The following CLSTN1 variants were observed in gnomAD, a reference collection of about 807,000 sequenced individuals.
CLSTN1 encodes calsyntenin 1, also known as calsyntenin-1.
A neutral mutation model predicts 108.3 loss-of-function variants in CLSTN1; 28 were observed. That is an observed-to-expected ratio of 0.26 (90% CI 0.19 to 0.35). The LOEUF is 0.35. Ranked by LOEUF, CLSTN1 falls within the 10% of genes least tolerant of loss-of-function variation. CLSTN1 has a pLI of 1.00. For missense variants in CLSTN1, 1,157 were observed against 1,302.6 expected, an observed-to-expected ratio of 0.89 and a Z score of 1.72; for synonymous variants, 524 against 534.9, an observed-to-expected ratio of 0.98 and a Z score of 0.28.
At chr1:9,811,461 ACAGACAGCT>A (rs1289840477) in intron 1 of CLSTN1, among the ~76,000 whole-genome samples, 1 of 152,174 alleles carries the variant, frequency 6.6e-6, no homozygotes, top group Non-Finnish European at 1.5e-5. Context: ...ATGGATATTT[ACAGACAGCT>A]CAGAAGCAAG....
intron 1 of CLSTN1, among the ~76,000 whole-genome samples, chr1:9,786,648 CAAAAAAAA>C (rs36003203): frequency 1.6e-4 from 6 of 37,094 alleles, no homozygotes; most frequent in South Asian, 1.4e-3. Context: ...GACTCCGTCT[CAAAAAAAA>C]AAAAAAAAAA....
chr1:9,784,172 CAAAA>C (rs34315931), intron 1 of CLSTN1, among the ~76,000 whole-genome samples: 21 of 83,704 alleles, frequency 2.5e-4, no homozygotes, highest in African/African-American at 6.9e-4. Context: ...AACTCTATCT[CAAAA>C]AAAAAAAAAA....
chr1:9,750,007 G>T, intron 5 of CLSTN1, 94 bp from the exon 6 acceptor site: 1 of 1,026,676 alleles, frequency 9.7e-7, no homozygotes, highest in Non-Finnish European at 1.5e-6. Flanking sequence ...TAGGCTTTAA[G>T]CCCTGTAAAT....
intron 5 of CLSTN1, 73 bp from the exon 6 acceptor site, chr1:9,749,986 GA>G: frequency 7.9e-7 from 1 of 1,268,652 alleles, no homozygotes; most frequent in Admixed American, 1.9e-5. Context: ...TAGGCGGAAA[GA>G]CAAAATGCAT....
Position 9,743,991 on chromosome 1 carries a change from G to A in CLSTN1, c.1249C>T (p.His417Tyr). The A allele has an allele frequency of 6.2e-7, 1 of 1,614,098 alleles. No individual in the cohort carries two copies. Among genetic ancestry groups the A allele is most frequent in the East Asian group, 2.2e-5 (1 of 44,884 alleles). ...SSDKTDMNRHHYSLYVHGCRL... is the reference protein window; with the variant it reads ...SSDKTDMNRHYYSLYVHGCRL... ...CACCCGTGGACATAGAGGGAGTAGT[G>A]GTGCCGATTCATATCTGCAAAGGCA... Residue 417 changes from histidine (H) to tyrosine (Y), a missense_variant, in exon 9 of 19, where the codon CAC becomes TAC. Physicochemically the swap from His to Tyr is moderately conservative, Grantham distance 83. Transcript: ENST00000377298.
At chr1:9,786,330 C>T (rs138680112) in intron 1 of CLSTN1, among the ~76,000 whole-genome samples, 1 of 152,176 alleles carries the variant, frequency 6.6e-6, no homozygotes, top group African/African-American at 2.4e-5. Context: ...CATACTGTTA[C>T]ACACAATGCA....
intron 1 of CLSTN1, among the ~76,000 whole-genome samples, chr1:9,809,833 A>T (rs1654655581): frequency 6.7e-6 from 1 of 149,934 alleles, no homozygotes; most frequent in Non-Finnish European, 1.5e-5. Flanking sequence ...CCTGGGGGAC[A>T]GAGGTTGCAG....
At chr1:9,798,024 G>A (rs1354439086) in intron 1 of CLSTN1, among the ~76,000 whole-genome samples, 1 of 151,090 alleles carries the variant, frequency 6.6e-6, no homozygotes, top group Non-Finnish European at 1.5e-5. Flanking sequence ...AACCTGGGAG[G>A]TGGAGGTTGC....
intron 1 of CLSTN1, among the ~76,000 whole-genome samples, chr1:9,822,543 T>TA (rs977148394): frequency 4.6e-5 from 7 of 151,600 alleles, no homozygotes; most frequent in Admixed American, 1.3e-4. Context: ...TTCTTTTGAT[T>TA]AAAAAAAAAT....
At chr1:9,818,660 C>G (rs1655075746) in intron 1 of CLSTN1, among the ~76,000 whole-genome samples, 1 of 151,262 alleles carries the variant, frequency 6.6e-6, no homozygotes, top group Non-Finnish European at 1.5e-5. Context: ...CATGACATTG[C>G]ATAAATAATT....
Position 9,731,381 on chromosome 1 carries a change from C to G in CLSTN1, c.2573G>C (p.Ser858Thr). Reference sequence around the variant, plus strand: ...CACCACGATCACAACTGTCGCAGTGCTGGGGACGACTGTGGGAGAATGAGG... The same window carrying G: ...CACCACGATCACAACTGTCGCAGTGGTGGGGACGACTGTGGGAGAATGAGG... Reference protein sequence around the residue: ...ANPHPFAVVPSTATVVIVVCV... With the variant: ...ANPHPFAVVPTTATVVIVVCV... The change falls in exon 18 of 19, where the codon AGC becomes ACC. Residue 858 changes from serine to threonine, a missense_variant. Physicochemically the swap from Ser to Thr is moderately conservative, Grantham distance 58. Coordinates refer to ENST00000377298, the MANE Select transcript of CLSTN1 (RefSeq NM_001009566.3). The G allele has an allele frequency of 6.2e-7, 1 of 1,613,488 alleles. No individual in the cohort carries two copies. The highest frequency in any genetic ancestry group is 8.5e-7 in the Non-Finnish European group (1 of 1,179,428).
chr1:9,733,091 A>G (rs1321983544), intron 16 of CLSTN1, among the ~76,000 whole-genome samples: 1 of 152,194 alleles, frequency 6.6e-6, no homozygotes, highest in East Asian at 1.9e-4. Flanking sequence ...AAGAAGCCCC[A>G]GAGGCATTAA....
upstream of CLSTN1, chr1:9,824,163 G>C (rs1238999336): frequency 6.8e-6 from 1 of 147,442 alleles, no homozygotes; most frequent in African/African-American, 2.5e-5. The surrounding 1 kb of genome is among the most constrained non-coding windows in gnomAD (Gnocchi z 5.0). Flanking sequence ...CTCCGAGCCC[G>C]TCGGCCCCGC....
intron 1 of CLSTN1, among the ~76,000 whole-genome samples, chr1:9,802,020 C>A (rs565792740): frequency 9.9e-5 from 15 of 152,216 alleles, no homozygotes; most frequent in African/African-American, 3.4e-4. Context: ...TTGGTTCAAT[C>A]CCCCCACCCA....
chr1:9,752,867 ATAAG>A (rs1394552526), intron 4 of CLSTN1, among the ~76,000 whole-genome samples: 2 of 151,886 alleles, frequency 1.3e-5, no homozygotes, highest in African/African-American at 4.8e-5. Context: ...GCCTCAAAAA[ATAAG>A]TAAATAAATA....
At chr1:9,751,945 C>A (rs1360466055) in intron 4 of CLSTN1, among the ~76,000 whole-genome samples, 1 of 151,844 alleles carries the variant, frequency 6.6e-6, no homozygotes, top group Non-Finnish European at 1.5e-5. Flanking sequence ...AAAAACCAAT[C>A]ATCTAAAATA....
chr1:9,735,015 C>G lies in CLSTN1; in HGVS notation c.2043G>C (p.Glu681Asp), dbSNP rs768813003. The change falls in exon 14 of 19, where the codon GAG becomes GAC. Residue 681 changes from glutamate to aspartate, a missense_variant. Coordinates refer to ENST00000377298, the MANE Select transcript of CLSTN1 (RefSeq NM_001009566.3). Reference sequence around the variant, plus strand: ...TCGTGATGGTGCTGATGATGCGAAGCTCAGGGAAAAGGAACACCCCTTCTG... The same window carrying G: ...TCGTGATGGTGCTGATGATGCGAAGGTCAGGGAAAAGGAACACCCCTTCTG... ...ESSEGVFLFP[E>D]LRIISTITRE... 1.2e-6 allele frequency: 2 copies of G among 1,614,194 alleles called. No homozygotes were observed. Among genetic ancestry groups the G allele is most frequent in the Non-Finnish European group, 1.7e-6 (2 of 1,180,038 alleles).
At chr1:9,802,566 G>C (rs1437146998) in intron 1 of CLSTN1, among the ~76,000 whole-genome samples, 3 of 152,142 alleles carry the variant, frequency 2.0e-5, no homozygotes, top group African/African-American at 7.2e-5. Flanking sequence ...CTGTACATGA[G>C]AGAGGTACAG....
intron 4 of CLSTN1, among the ~76,000 whole-genome samples, chr1:9,754,281 G>A (rs1651706301): frequency 6.6e-6 from 1 of 152,146 alleles, no homozygotes; most frequent in Non-Finnish European, 1.5e-5. Context: ...AAAAACCTAG[G>A]CCGGGTGTGG....
Sources: gnomAD v4.1 joint callset for allele counts (sites outside exome capture counted in the v4.1 genomes callset) on GRCh38, gnomAD v4.1.1 for gene constraint, Gnocchi (gnomAD v3.1) non-coding constraint, MANE v1.5 for transcripts, NCBI Gene and HGNC (gene_info 2026-07-23, HGNC 2026-07-21) for gene names.